The following CCDC178 variants were observed in gnomAD, a reference collection of about 807,000 sequenced individuals.
CCDC178 encodes the protein coiled-coil domain-containing protein 178.
Under a neutral mutation model 117.4 loss-of-function variants are expected in CCDC178, and 126 were observed. The observed-to-expected ratio is 1.07, with a 90% CI of 0.93 to 1.24. The LOEUF (loss-of-function observed/expected upper bound fraction) is 1.24, where lower values mean the gene tolerates loss of function less well. CCDC178 is among the 50% of genes most tolerant of loss of function. The probability of loss-of-function intolerance (pLI) is 0.00; values close to 1 mark genes in which losing one functional copy is unlikely to be tolerated. For synonymous variants in CCDC178, 283 were observed against 313.4 expected, an observed-to-expected ratio of 0.90 and a Z score of 1.02; for missense variants, 1,030 against 986.9, an observed-to-expected ratio of 1.04 and a Z score of -0.59.
At chr18:33,197,679 C>T (rs893176585) in intron 20 of CCDC178, among the ~76,000 whole-genome samples, 3 of 150,542 alleles carry the variant, frequency 2.0e-5, no homozygotes, top group African/African-American at 4.9e-5. Flanking sequence ...CTTAGAATTG[C>T]CAAAGCTGGG....
At chr18:33,042,658 C>T (rs1191603147) in intron 21 of CCDC178, among the ~76,000 whole-genome samples, 2 of 151,750 alleles carry the variant, frequency 1.3e-5, no homozygotes, top group Non-Finnish European at 2.9e-5. Flanking sequence ...CCTTGGTGTG[C>T]TAATTATACT....
rs149213202 is a variant in CCDC178, at chr18:33,059,045, C to T, written c.2388+33716G>A. On this transcript the variant is annotated intron_variant, in intron 21 of 22. Transcript: ENST00000383096. ...TGGAGCACTGGGAAAGAAGGGTCAA[C>T]GACCTACAGACTTAGGAAAAATCAG... Among the ~76,000 whole-genome samples the T allele has an allele frequency of 1.2e-3, 190 of 152,152 alleles. 5 individuals carry two copies. The East Asian group carries it at 0.032, about 26-fold the overall frequency.
intron 19 of CCDC178, among the ~76,000 whole-genome samples, chr18:33,214,958 A>G (rs1253811050): frequency 2.0e-5 from 3 of 151,912 alleles, no homozygotes; most frequent in Non-Finnish European, 2.9e-5. Context: ...ATGTTTTACA[A>G]GATAGGAAAT....
intron 20 of CCDC178, among the ~76,000 whole-genome samples, chr18:33,196,537 C>G (rs906841709): frequency 8.6e-5 from 13 of 151,986 alleles, no homozygotes; most frequent in African/African-American, 3.1e-4. Flanking sequence ...CTTGTGGGAC[C>G]CCTAAATTTG....
At chr18:32,939,737 G>A (rs1250617324) in intron 22 of CCDC178, among the ~76,000 whole-genome samples, 1 of 152,122 alleles carries the variant, frequency 6.6e-6, no homozygotes, top group Non-Finnish European at 1.5e-5. Context: ...GACTCAGTGT[G>A]CAGATAGGAG....
chr18:33,333,132 T>C (rs1004152194), intron 10 of CCDC178, 42 bp downstream of exon 10: 6 of 1,247,248 alleles, frequency 4.8e-6, no homozygotes, highest in Non-Finnish European at 4.6e-6. Context: ...TTTGCATAAC[T>C]AAGTAATAAT....
intron 21 of CCDC178, among the ~76,000 whole-genome samples, chr18:32,990,792 T>C (rs768225220): frequency 6.6e-6 from 1 of 151,884 alleles, no homozygotes; most frequent in Non-Finnish European, 1.5e-5. Flanking sequence ...AATATTAGCG[T>C]CCAGGATTTA....
intron 18 of CCDC178, among the ~76,000 whole-genome samples, chr18:33,222,291 C>T (rs928784737): frequency 3.3e-5 from 5 of 149,808 alleles, no homozygotes; most frequent in African/African-American, 7.4e-5. Flanking sequence ...TTCCTTCCTT[C>T]CTTCCTTTCC....
At chr18:33,379,848 G>A (rs993774455) in intron 5 of CCDC178, among the ~76,000 whole-genome samples, 1 of 152,166 alleles carries the variant, frequency 6.6e-6, no homozygotes, top group African/African-American at 2.4e-5. Flanking sequence ...CCTATGTGCA[G>A]AGTAGTGAGA....
chr18:33,093,675 AT>A (rs1241943460), intron 20 of CCDC178, among the ~76,000 whole-genome samples: 140 of 145,890 alleles, frequency 9.6e-4, no homozygotes, highest in African/African-American at 8.4e-4. Flanking sequence ...TTAGTTTCTG[AT>A]TTTTTTTTTT....
chr18:32,977,303 T>C (rs146073476), intron 21 of CCDC178, among the ~76,000 whole-genome samples: 22 of 152,298 alleles, frequency 1.4e-4, no homozygotes, highest in African/African-American at 4.8e-4. Context: ...ATTTTAGCAG[T>C]CACTTCTAGA....
At chr18:33,350,496 C>T (rs1336830077) in intron 7 of CCDC178, among the ~76,000 whole-genome samples, 2 of 152,124 alleles carry the variant, frequency 1.3e-5, no homozygotes, top group African/African-American at 4.8e-5. Flanking sequence ...TGTGGATGAA[C>T]TTTCATGAAT....
intron 20 of CCDC178, among the ~76,000 whole-genome samples, chr18:33,107,878 T>TG (rs1486491209): frequency 6.6e-6 from 1 of 151,734 alleles, no homozygotes; most frequent in Non-Finnish European, 1.5e-5. Context: ...TGTGCATGTA[T>TG]GGAAAAATGT....
At chr18:33,437,046 C>A (rs2064301900) in intron 2 of CCDC178, among the ~76,000 whole-genome samples, 1 of 152,138 alleles carries the variant, frequency 6.6e-6, no homozygotes, top group Non-Finnish European at 1.5e-5. Flanking sequence ...ACAAACCGAG[C>A]AAATGGAGTT....
At chr18:33,150,142 GACACCCT>G (rs2058324089) in intron 20 of CCDC178, among the ~76,000 whole-genome samples, 6 of 152,060 alleles carry the variant, frequency 3.9e-5, no homozygotes, top group African/African-American at 1.4e-4. Flanking sequence ...TCGGGGATAG[GACACCCT>G]AGTCTATATG....
chr18:32,945,442 TAATTTTGTTACATAAACAA>T (rs1389670836), intron 22 of CCDC178, among the ~76,000 whole-genome samples: 6 of 152,258 alleles, frequency 3.9e-5, no homozygotes, highest in African/African-American at 9.6e-5. Context: ...CATTGCATTT[TAATTTTGTTACATAAACAA>T]AATTTTGTTA....
chr18:33,116,280 C>T (rs1364366711), intron 20 of CCDC178, among the ~76,000 whole-genome samples: 1 of 152,100 alleles, frequency 6.6e-6, no homozygotes, highest in Non-Finnish European at 1.5e-5. Context: ...AGAACATATG[C>T]TTTGGAAGGA....
intron 5 of CCDC178, among the ~76,000 whole-genome samples, chr18:33,389,185 C>T (rs2063532473): frequency 6.6e-6 from 1 of 151,958 alleles, no homozygotes; most frequent in Non-Finnish European, 1.5e-5. Context: ...ATGAAAAATA[C>T]ACCCCCAAAA....
chr18:33,036,634 CAA>C (rs1245924451), intron 21 of CCDC178, among the ~76,000 whole-genome samples: 1 of 151,756 alleles, frequency 6.6e-6, no homozygotes, highest in African/African-American at 2.4e-5. Context: ...ACTTGGTGTA[CAA>C]AGAGAACTGC....
Sources: allele counts gnomAD v4.1 joint callset (sites outside exome capture counted in the v4.1 genomes callset), GRCh38; gene constraint gnomAD v4.1.1; transcripts MANE v1.5; gene names NCBI Gene and HGNC (gene_info 2026-07-23, HGNC 2026-07-21).